TAFA4: variants seen among roughly 807,000 people sequenced by gnomAD.
TAFA4 encodes the protein chemokine-like protein TAFA-4.
A neutral mutation model predicts 21.1 loss-of-function variants in TAFA4; 20 were observed. The ratio of observed to expected loss-of-function variants is 0.95; its 90% CI spans 0.67 to 1.38. The LOEUF is 1.38. Ranked by LOEUF, TAFA4 falls within the 40% of genes most tolerant of loss-of-function variation. The probability of loss-of-function intolerance (pLI) is 0.00; values close to 1 mark genes in which losing one functional copy is unlikely to be tolerated. For synonymous variants in TAFA4, 71 were observed against 67.4 expected, an observed-to-expected ratio of 1.05 and a Z score of -0.26; for missense variants, 211 against 180.9, an observed-to-expected ratio of 1.17 and a Z score of -0.95.
chr3:68,789,133 A>G (rs1703317295), intron 3 of TAFA4, among the ~76,000 whole-genome samples: 1 of 151,716 alleles, frequency 6.6e-6, no homozygotes, highest in African/African-American at 2.4e-5. Context: ...AGGGGGGCTG[A>G]GGCAGGAGAA....
chr3:68,775,281 A>G (rs911511407), intron 3 of TAFA4, among the ~76,000 whole-genome samples: 1 of 152,166 alleles, frequency 6.6e-6, no homozygotes, highest in African/African-American at 2.4e-5. Flanking sequence ...GAAGACAGAG[A>G]GAGACTCACT....
intron 3 of TAFA4, among the ~76,000 whole-genome samples, chr3:68,811,018 A>ATCCACTG (rs1479536835): frequency 1.3e-5 from 2 of 152,164 alleles, no homozygotes; most frequent in Non-Finnish European, 2.9e-5. Flanking sequence ...GTTCACCAAT[A>ATCCACTG]TCCACTGTTC....
chr3:68,885,776 A>G (rs1466552506), intron 1 of TAFA4, among the ~76,000 whole-genome samples: 3 of 152,230 alleles, frequency 2.0e-5, no homozygotes, highest in African/African-American at 7.2e-5. Flanking sequence ...GATGCTAGAC[A>G]ATCTATGAGG....
At chr3:68,881,494 A>T (rs923369630) in intron 2 of TAFA4, among the ~76,000 whole-genome samples, 1 of 152,246 alleles carries the variant, frequency 6.6e-6, no homozygotes, top group Non-Finnish European at 1.5e-5. Flanking sequence ...AGTAAAAAAA[A>T]GGAAGATATC....
rs1575661215 is a variant in TAFA4 at position 68,893,342 on chromosome 3, CTATT to C, written c.-122-8036_-122-8033del. On this transcript the variant is annotated intron_variant, in intron 1 of 5. Coordinates refer to ENST00000295569, the MANE Select transcript of TAFA4 (RefSeq NM_182522.5). ...ATCATTACTATGGGCAAGTGGGAGT[CTATT>C]TACTTATAACCAGAATGTAAAGTTC... Among the ~76,000 whole-genome samples the C allele has an allele frequency of 2.0e-5, 3 of 152,150 alleles. No homozygotes were observed. The East Asian group carries it at 5.8e-4, about 29-fold the overall frequency.
At chr3:68,838,968 C>T (rs1019815778) in intron 3 of TAFA4, among the ~76,000 whole-genome samples, 16 of 152,038 alleles carry the variant, frequency 1.1e-4, no homozygotes, top group East Asian at 3.9e-4. Context: ...TATGGTGAGG[C>T]GCACCTGTAG....
At chr3:68,845,412 C>A (rs1472038715) in intron 3 of TAFA4, among the ~76,000 whole-genome samples, 2 of 151,972 alleles carry the variant, frequency 1.3e-5, no homozygotes, top group African/African-American at 4.8e-5. Flanking sequence ...GCCTTTGAAC[C>A]TTTGCACATG....
intron 4 of TAFA4, among the ~76,000 whole-genome samples, chr3:68,752,432 C>T (rs1228037076): frequency 5.3e-5 from 8 of 152,114 alleles, no homozygotes; most frequent in Admixed American, 1.3e-4. Context: ...AGAGACTGTC[C>T]TATAAATGTC....
At chr3:68,917,965 G>A (rs867698266) in intron 1 of TAFA4, among the ~76,000 whole-genome samples, 16 of 152,146 alleles carry the variant, frequency 1.1e-4, no homozygotes, top group Admixed American at 1.0e-3. Context: ...ACAATGAGCT[G>A]TAGTTTTCGA....
intron 3 of TAFA4, among the ~76,000 whole-genome samples, chr3:68,773,538 AC>A (rs1293772105): frequency 6.6e-6 from 1 of 152,126 alleles, no homozygotes; most frequent in African/African-American, 2.4e-5. Flanking sequence ...CCATGCAGAC[AC>A]TGGAAGTTCC....
intron 4 of TAFA4, among the ~76,000 whole-genome samples, chr3:68,741,882 C>T (rs1204806356): frequency 4.6e-5 from 7 of 152,038 alleles, no homozygotes; most frequent in Non-Finnish European, 8.8e-5. Context: ...TTTAATAACG[C>T]CGGCATTACC....
rs144683446 is a variant in TAFA4, at chr3:68,770,691, G to C, written c.131-17673C>G. On this transcript the variant is annotated intron_variant, in intron 3 of 5. Transcript: ENST00000295569. ...GATGGAGGCACATGCCGGCTCTCAA[G>C]ACCCACCTCACCTTCTCCCACTTTA... Among the ~76,000 whole-genome samples the C allele has an allele frequency of 1.1e-3, 165 of 152,170 alleles. 1 individual carries two copies. Among genetic ancestry groups the C allele is most frequent in the Non-Finnish European group, 2.0e-3 (135 of 68,016 alleles).
chr3:68,824,871 T>C (rs1268985704), intron 3 of TAFA4, among the ~76,000 whole-genome samples: 1 of 152,162 alleles, frequency 6.6e-6, no homozygotes, highest in Non-Finnish European at 1.5e-5. Flanking sequence ...GAATCGGGCA[T>C]TTTACGCGTA....
intron 3 of TAFA4, among the ~76,000 whole-genome samples, chr3:68,833,529 T>G (rs1357042498): frequency 6.6e-6 from 1 of 152,118 alleles, no homozygotes; most frequent in Non-Finnish European, 1.5e-5. Context: ...TTTGACTACC[T>G]AAAGCATTTA....
At chr3:68,752,826 T>C in intron 4 of TAFA4, 37 bp downstream of exon 4, 1 of 1,613,850 alleles carries the variant, frequency 6.2e-7, no homozygotes, top group Non-Finnish European at 8.5e-7. Context: ...TTTTGGCCTT[T>C]TTGAAATACC....
At chr3:68,897,028 G>T (rs1034822619) in intron 1 of TAFA4, among the ~76,000 whole-genome samples, 5 of 151,876 alleles carry the variant, frequency 3.3e-5, no homozygotes, top group African/African-American at 1.2e-4. Flanking sequence ...TCAGCCTCCC[G>T]AGTAGCTGGG....
At chr3:68,833,430 A>T (rs1192036586) in intron 3 of TAFA4, among the ~76,000 whole-genome samples, 7 of 152,210 alleles carry the variant, frequency 4.6e-5, no homozygotes, top group African/African-American at 1.7e-4. Context: ...TCTTCCATGC[A>T]TGAAAATGGA....
chr3:68,853,172 C>T (rs1704989698), intron 3 of TAFA4, among the ~76,000 whole-genome samples: 1 of 151,978 alleles, frequency 6.6e-6, no homozygotes, highest in Admixed American at 6.6e-5. Flanking sequence ...CTTAGAGTGT[C>T]ACAATGTTTA....
At chr3:68,907,177 A>G (rs1022208766) in intron 1 of TAFA4, among the ~76,000 whole-genome samples, 2 of 152,180 alleles carry the variant, frequency 1.3e-5, no homozygotes, top group Admixed American at 6.5e-5. Flanking sequence ...GGGAAGCAAA[A>G]AAGCAAGGGA....
Sources: gnomAD v4.1 joint callset for allele counts (sites outside exome capture counted in the v4.1 genomes callset) on GRCh38, gnomAD v4.1.1 for gene constraint, MANE v1.5 for transcripts, NCBI Gene and HGNC (gene_info 2026-07-23, HGNC 2026-07-21) for gene names.